Variants in SYNE2 observed in about 807,000 individuals in gnomAD.
The protein encoded by SYNE2 is nesprin-2.
SYNE2 carries 431 observed loss-of-function variants against 856.3 expected under a neutral mutation model. That is an observed-to-expected ratio of 0.50 (90% CI 0.47 to 0.55). SYNE2 has a LOEUF of 0.55. Among genes scored for constraint, SYNE2 ranks in the 20% least tolerant of loss-of-function variants. The probability of loss-of-function intolerance (pLI) is 0.00; values close to 1 mark genes in which losing one functional copy is unlikely to be tolerated. For missense variants in SYNE2, 8,129 were observed against 8,023.2 expected (o/e 1.01, Z -0.50); for synonymous variants, 2,923 against 2,872.3 (o/e 1.02, Z -0.56).
rs760340398 is a variant in SYNE2, at chr14:64,056,168, C to T, written c.9969C>T (p.Pro3323=). The T allele has an allele frequency of 6.2e-6, 10 of 1,613,936 alleles. No homozygotes were observed. The highest frequency in any genetic ancestry group is 2.2e-5 in the South Asian group (2 of 91,072). Residue 3323 remains proline (P), a synonymous_variant, in exon 49 of 116, where the codon CCC becomes CCT. Coordinates refer to ENST00000555002, the MANE Select transcript of SYNE2 (RefSeq NM_182914.3). ...AGAAACTGGGAATGATATCCAGCCC[C>T]GAAGCCAAACTACAACTTCAGTATA... ...LTEKLGMISS[P]EAKLQLQYTL...
In SYNE2 at chr14:64,225,930, T is replaced by G; in HGVS notation, c.*404T>G. On this transcript the variant is annotated 3_prime_UTR_variant, in exon 116 of 116. Transcript: ENST00000555002. ...AAGCGAGGACATTCCACCCTAGAAA[T>G]GGTTCAGAAACTCATAGGCACCCTT... is the stretch of plus-strand genomic sequence containing the variant. 2.5e-6 allele frequency: 1 copy of G among 393,106 alleles called. No individual in the cohort carries two copies. The highest frequency in any genetic ancestry group is 4.6e-5 in the East Asian group (1 of 21,710). The allele number at this position is 393,106 out of a possible 1,614,324, so 24.4% of individuals were successfully genotyped here. A position where few individuals can be genotyped will look rare whatever the true frequency, so the allele number is the denominator to read the frequency against.
intron 32 of SYNE2, among the ~76,000 whole-genome samples, chr14:64,016,261 T>C (rs938755446): frequency 3.3e-5 from 5 of 152,068 alleles, no homozygotes; most frequent in African/African-American, 1.2e-4. Context: ...AATTTGAGTA[T>C]AGGGTTAACA....
rs777868029 is a variant in SYNE2, at chr14:64,017,620, A to G, written c.4913A>G (p.Tyr1638Cys). Reference protein sequence around the residue: ...LDINEKTEDYYENLGRALALW... With the variant: ...LDINEKTEDYCENLGRALALW... ...ATAAATGAGAAGACAGAAGATTACT[A>G]TGAAAATCTTGGTCGAGCTCTAGCT... is the stretch of plus-strand genomic sequence containing the variant. Residue 1638 changes from tyrosine to cysteine, a missense_variant, in exon 34 of 116, where the codon TAT becomes TGT. Tyr to Cys is a radical substitution (Grantham distance 194). Around this residue, in one of 3 missense-constraint regions of SYNE2, gnomAD observed 2,422 missense variants for 2,357.4 expected, o/e 1.03. Coordinates refer to ENST00000555002, the MANE Select transcript of SYNE2 (RefSeq NM_182914.3). 7.4e-6 allele frequency: 12 copies of G among 1,612,868 alleles called. 1 individual carries two copies. In the South Asian group the frequency reaches 1.1e-4, roughly 15 times the overall value.
At chr14:63,933,948 G>A (rs2095797883) in intron 2 of SYNE2, among the ~76,000 whole-genome samples, 1 of 152,178 alleles carries the variant, frequency 6.6e-6, no homozygotes, top group South Asian at 2.1e-4. Context: ...ATTGAATACT[G>A]CCATTCAGGG....
chr14:63,805,536 C>T (rs1461196848), intron 1 of SYNE2, among the ~76,000 whole-genome samples: 3 of 152,114 alleles, frequency 2.0e-5, no homozygotes, highest in Admixed American at 6.6e-5. Flanking sequence ...TACAGGCGCC[C>T]GCCACCACGC....
At chr14:64,141,036 A>C (rs1013112864) in intron 80 of SYNE2, among the ~76,000 whole-genome samples, 4 of 152,200 alleles carry the variant, frequency 2.6e-5, no homozygotes, top group African/African-American at 9.6e-5. Context: ...CAAGTAATTC[A>C]TTTAATGTGC....
chr14:64,140,496 C>A (rs955125300), intron 80 of SYNE2, among the ~76,000 whole-genome samples: 1 of 152,194 alleles, frequency 6.6e-6, no homozygotes. Flanking sequence ...GCAGGAGAAT[C>A]ACTTGAACCG....
intron 78 of SYNE2, among the ~76,000 whole-genome samples, chr14:64,135,539 C>T (rs2153685519): frequency 6.6e-6 from 1 of 152,080 alleles, no homozygotes; most frequent in African/African-American, 2.4e-5. Context: ...CTTTGTTAGT[C>T]TAGGGATACA....
chr14:64,225,111 C>CCAATGCCACTATCAAGGTCCTTG, intron 115 of SYNE2, 66 bp downstream of exon 115: 1 of 1,587,490 alleles, frequency 6.3e-7, no homozygotes, highest in Non-Finnish European at 8.6e-7. Context: ...CTCAGTCTTG[C>CCAATGCCACTATCAAGGTCCTTG]CAATGCCACT....
At chr14:64,181,261 T>C (rs2098456760) in intron 96 of SYNE2, among the ~76,000 whole-genome samples, 1 of 152,232 alleles carries the variant, frequency 6.6e-6, no homozygotes, top group South Asian at 2.1e-4. Context: ...GTCAGTGGCT[T>C]TATTAGGTTA....
At chr14:63,784,824 A>G (rs190198741) in intron 1 of SYNE2, among the ~76,000 whole-genome samples, 1 of 152,064 alleles carries the variant, frequency 6.6e-6, no homozygotes, top group East Asian at 1.9e-4. Flanking sequence ...AAAAATATAT[A>G]AATAAATAAG....
chr14:64,008,193 C>G (rs1445116127), intron 31 of SYNE2, among the ~76,000 whole-genome samples: 1 of 152,224 alleles, frequency 6.6e-6, no homozygotes, highest in Non-Finnish European at 1.5e-5. Context: ...TTTGACACCT[C>G]TCCCTGCCTC....
At chr14:63,942,505 T>C (rs2095935828) in intron 6 of SYNE2, among the ~76,000 whole-genome samples, 1 of 150,974 alleles carries the variant, frequency 6.6e-6, no homozygotes. Context: ...TTTTTTTTTC[T>C]TTTTTTTGAG....
chr14:64,104,540 C>T lies in SYNE2; in HGVS notation c.12492+2498C>T, dbSNP rs948780154. Among the ~76,000 whole-genome samples, 23 of 150,938 alleles carry T rather than the reference C, an allele frequency of 1.5e-4. 1 individual carries two copies. Among genetic ancestry groups the T allele is most frequent in the Non-Finnish European group, 7.4e-5 (5 of 67,894 alleles). On this transcript the variant is annotated intron_variant, in intron 64 of 115. Coordinates refer to ENST00000555002, the MANE Select transcript of SYNE2 (RefSeq NM_182914.3). ...TCTCAGCTCACTGCAACCTCTGCCT[C>T]CTGGGTTCAAGCGATTCTCCTGCTT...
rs146075417 is a variant in SYNE2, at chr14:64,094,055, G to A, written c.12108+575G>A. ...CAGAATTAACAGTGTCCTGTGGGCC[G>A]GGCGCGGTGGCTCACGCCTGTAATC... is the stretch of plus-strand genomic sequence containing the variant. On this transcript the variant is annotated intron_variant, in intron 61 of 115. Transcript: ENST00000555002. Among the ~76,000 whole-genome samples the A allele has an allele frequency of 6.6e-3, 1,010 of 152,044 alleles. 11 individuals are homozygous for A. The highest frequency in any genetic ancestry group is 0.023 in the African/African-American group (960 of 41,476).
At chr14:63,814,397 A>T (rs1473146260) in intron 1 of SYNE2, among the ~76,000 whole-genome samples, 1 of 146,872 alleles carries the variant, frequency 6.8e-6, no homozygotes, top group East Asian at 1.9e-4. Flanking sequence ...ATATATATCC[A>T]TAAACATATC....
chr14:64,083,400 G>C (rs902088679), intron 57 of SYNE2, among the ~76,000 whole-genome samples: 3 of 145,564 alleles, frequency 2.1e-5, no homozygotes, highest in African/African-American at 5.1e-5. Flanking sequence ...TGCTTATTAT[G>C]AGTTAAAAAA....
chr14:63,913,863 T>TTTTTAAATTTAATTTAATTTTAAAA (rs1334300952), intron 2 of SYNE2, among the ~76,000 whole-genome samples: 1 of 151,044 alleles, frequency 6.6e-6, no homozygotes, highest in Non-Finnish European at 1.5e-5. Flanking sequence ...TAATTTTAAA[T>TTTTTAAATTTAATTTAATTTTAAAA]TTTTAAAATT....
In SYNE2 at chr14:64,122,020, G is replaced by A. The variant is rs754402745; in HGVS notation, c.13167G>A (p.Glu4389=). The A allele has an allele frequency of 1.4e-5, 22 of 1,613,420 alleles. No homozygotes were observed. The highest frequency in any genetic ancestry group is 2.2e-5 in the East Asian group (1 of 44,880). The change falls in exon 69 of 116, where the codon GAG becomes GAA. Residue 4389 remains glutamate, a synonymous_variant. Coordinates refer to ENST00000555002, the MANE Select transcript of SYNE2 (RefSeq NM_182914.3). ...QKDFQQQQVL[E]LKPMEQKDFI... ...ATCTCATTCAATTACAGGTTCTGGA[G>A]TTAAAACCAATGGAACAGAAAGATT...
Sources: allele counts gnomAD v4.1 joint callset (sites outside exome capture counted in the v4.1 genomes callset), GRCh38; gene constraint gnomAD v4.1.1; regional missense constraint gnomAD v4.1.1; transcripts MANE v1.5; gene names NCBI Gene and HGNC (gene_info 2026-07-23, HGNC 2026-07-21).